GRM1: variants seen among roughly 807,000 people sequenced by gnomAD.
GRM1 encodes the protein metabotropic glutamate receptor 1.
In GRM1, 33 loss-of-function variants were observed where a neutral mutation model predicts 90.9. The ratio of observed to expected loss-of-function variants is 0.36; its 90% confidence interval spans 0.28 to 0.49. The LOEUF is 0.49. GRM1 is among the 20% of genes least tolerant of loss of function. The pLI is 0.99. For missense variants in GRM1, 1,190 were observed against 1,534.3 expected (o/e 0.78, Z 3.75); for synonymous variants, 700 against 613.2 (o/e 1.14, Z -2.09).
At chr6:146,188,815 C>A (rs972859306) in intron 2 of GRM1, among the ~76,000 whole-genome samples, 8 of 152,184 alleles carry the variant, frequency 5.3e-5, no homozygotes, top group African/African-American at 1.7e-4. Context: ...ACCAGAAACT[C>A]TTTTAAATCT....
intron 2 of GRM1, among the ~76,000 whole-genome samples, chr6:146,253,162 A>T (rs1781362150): frequency 6.6e-6 from 1 of 152,192 alleles, no homozygotes; most frequent in Non-Finnish European, 1.5e-5. Flanking sequence ...AGTGATAGAG[A>T]ATTATGCTCT....
At chr6:146,113,272 T>C (rs1775627525) in intron 1 of GRM1, among the ~76,000 whole-genome samples, 1 of 152,148 alleles carries the variant, frequency 6.6e-6, no homozygotes, top group South Asian at 2.1e-4. Context: ...AACAAACACA[T>C]AGTAAATTCA....
In GRM1 at chr6:146,133,563, C is replaced by T. The variant is rs192655828; in HGVS notation, c.701-25785C>T. ...TATTCTTATGAAAACTACCTGTCTT[C>T]CTTGCCCATCTTTTTCCCTCTCAGG... On this transcript the variant is annotated intron_variant, in intron 1 of 7. Transcript: ENST00000282753. Among the ~76,000 whole-genome samples the T allele has an allele frequency of 1.5e-3, 224 of 152,240 alleles. 1 individual carries two copies. Among genetic ancestry groups the T allele is most frequent in the Non-Finnish European group, 2.7e-3 (186 of 68,028 alleles).
chr6:146,399,616 T>C lies in GRM1; in HGVS notation c.2577T>C (p.His859=), dbSNP rs1026299344. Residue 859 remains histidine, a synonymous_variant, in exon 7 of 8, where the codon CAT becomes CAC. Transcript: ENST00000282753. The surrounding 1 kb of genome is among the most constrained non-coding windows in gnomAD (Gnocchi z 5.4). ...AFTTSDVVRM[H]VGDGKLPCRS... is the part of the protein sequence containing the mutation. ...CCACCTCTGATGTTGTCCGCATGCATGTTGGCGATGGCAAGCTGCCCTGCC... is the reference window on the plus strand; with the variant it reads ...CCACCTCTGATGTTGTCCGCATGCACGTTGGCGATGGCAAGCTGCCCTGCC... The C allele has an allele frequency of 2.5e-6, 4 of 1,614,104 alleles. No individual in the cohort carries two copies. The highest frequency in any genetic ancestry group is 3.4e-6 in the Non-Finnish European group (4 of 1,179,958).
chr6:146,275,454 C>T (rs1046388867), intron 2 of GRM1, among the ~76,000 whole-genome samples: 3 of 151,984 alleles, frequency 2.0e-5, no homozygotes, highest in Admixed American at 2.0e-4. Context: ...ATTTCATGGA[C>T]TCCTCAATCT....
intron 1 of GRM1, among the ~76,000 whole-genome samples, chr6:146,086,559 A>T (rs1393272857): frequency 6.6e-6 from 1 of 151,908 alleles, no homozygotes. Flanking sequence ...CCTGGATAGG[A>T]TATAAAAAGT....
chr6:146,186,993 A>C (rs778801692), intron 2 of GRM1, among the ~76,000 whole-genome samples: 16 of 152,232 alleles, frequency 1.1e-4, no homozygotes. Context: ...TTTATTGGTC[A>C]AAGAAAGTCA....
chr6:146,426,512 G>C (rs1334524907), intron 7 of GRM1: 1 of 1,568,984 alleles, frequency 6.4e-7, no homozygotes, highest in Admixed American at 1.8e-5. Flanking sequence ...CTGTACACAT[G>C]TATAACCCCC....
At chr6:146,097,579 T>G (rs1199961849) in intron 1 of GRM1, among the ~76,000 whole-genome samples, 1 of 152,230 alleles carries the variant, frequency 6.6e-6, no homozygotes, top group Non-Finnish European at 1.5e-5. Flanking sequence ...AAGCTAGAGC[T>G]ATTTCTGTGT....
chr6:146,399,102 G>A lies in GRM1; in HGVS notation c.2063G>A (p.Gly688Asp). 6.2e-7 allele frequency: 1 copy of A among 1,614,080 alleles called. No homozygotes were observed. The highest frequency in any genetic ancestry group is 1.1e-5 in the South Asian group (1 of 91,084). ...KTNRIARILA[G>D]SKKKICTRKP... ...AATCGTATTGCACGCATCCTGGCTG[G>A]CAGCAAGAAGAAGATCTGCACCCGG... The change falls in exon 7 of 8, where the codon GGC becomes GAC. Residue 688 changes from glycine (G) to aspartate (D), a missense_variant. Coordinates refer to ENST00000282753, the MANE Select transcript of GRM1 (RefSeq NM_001278064.2). The surrounding 1 kb of genome is among the most constrained non-coding windows in gnomAD (Gnocchi z 5.4).
intron 7 of GRM1, among the ~76,000 whole-genome samples, chr6:146,400,324 G>T (rs1777109790): frequency 6.6e-6 from 1 of 151,972 alleles, no homozygotes; most frequent in Admixed American, 6.6e-5. Context: ...CATGTTCCAC[G>T]ATGTTATACA....
chr6:146,197,820 CATAGAAGCAGAGAAT>C (rs1329751127), intron 2 of GRM1, among the ~76,000 whole-genome samples: 1 of 152,116 alleles, frequency 6.6e-6, no homozygotes, highest in Non-Finnish European at 1.5e-5. Context: ...TAGTCAAGCT[CATAGAAGCAGAGAAT>C]ACAGTAATGG....
At chr6:146,240,688 G>A (rs1468985434) in intron 2 of GRM1, among the ~76,000 whole-genome samples, 2 of 152,142 alleles carry the variant, frequency 1.3e-5, no homozygotes, top group African/African-American at 4.8e-5. Flanking sequence ...GAAGGCTCTG[G>A]AAGGGAAAAT....
intron 2 of GRM1, among the ~76,000 whole-genome samples, chr6:146,192,171 G>A (rs960290063): frequency 3.3e-5 from 5 of 152,130 alleles, no homozygotes; most frequent in African/African-American, 4.8e-5. Flanking sequence ...GAATAATAAT[G>A]TTCTGCCATC....
intron 7 of GRM1, among the ~76,000 whole-genome samples, chr6:146,426,135 A>T (rs1778201211): frequency 6.6e-6 from 1 of 152,248 alleles, no homozygotes; most frequent in East Asian, 1.9e-4. Context: ...AATATGCAGG[A>T]AAATTAACAG....
In GRM1 at chr6:146,434,226, C is replaced by T; in HGVS notation, c.3015C>T (p.Ala1005=). 6 of 1,606,050 alleles carry T rather than the reference C, an allele frequency of 3.7e-6. No homozygotes were observed. Among genetic ancestry groups the T allele is most frequent in the Non-Finnish European group, 5.1e-6 (6 of 1,174,774 alleles). Residue 1005 remains alanine (A), a synonymous_variant, in exon 8 of 8, where the codon GCC becomes GCT. Coordinates refer to ENST00000282753, the MANE Select transcript of GRM1 (RefSeq NM_001278064.2). ...CAGAGGAGACCCCCCTCTTCCTGGC[C>T]GAACCAGCCCTCCCCAAGGGCTTGC... ...LTAEETPLFL[A]EPALPKGLPP... is the part of the protein sequence containing the mutation.
intron 1 of GRM1, among the ~76,000 whole-genome samples, chr6:146,080,927 G>A (rs552170371): frequency 2.6e-5 from 4 of 152,164 alleles, no homozygotes; most frequent in South Asian, 2.1e-4. Flanking sequence ...CCACACCCAC[G>A]GTGGAGTGGG....
chr6:146,197,951 A>T (rs1188825672), intron 2 of GRM1, among the ~76,000 whole-genome samples: 1 of 152,226 alleles, frequency 6.6e-6, no homozygotes, highest in Admixed American at 6.5e-5. Flanking sequence ...AGTATTGTAC[A>T]CTTCAAAATT....
intron 7 of GRM1, among the ~76,000 whole-genome samples, chr6:146,431,906 A>G (rs1363652728): frequency 6.6e-6 from 1 of 152,216 alleles, no homozygotes; most frequent in Non-Finnish European, 1.5e-5. Context: ...GGCAGTTGAA[A>G]AAGATTAAGT....
Sources: gnomAD v4.1 joint callset for allele counts (sites outside exome capture counted in the v4.1 genomes callset) on GRCh38, gnomAD v4.1.1 for gene constraint, Gnocchi (gnomAD v3.1) non-coding constraint, MANE v1.5 for transcripts, NCBI Gene and HGNC (gene_info 2026-07-23, HGNC 2026-07-21) for gene names.